KPNA3: variants seen among roughly 807,000 people sequenced by gnomAD.
The protein encoded by KPNA3 is importin subunit alpha-4.
Under a neutral mutation model 73.8 loss-of-function variants are expected in KPNA3, and 13 were observed. That is an observed-to-expected ratio of 0.18 (90% CI 0.11 to 0.28). KPNA3 has a LOEUF of 0.28. Among genes scored for constraint, KPNA3 ranks in the 10% least tolerant of loss-of-function variants. The pLI is 1.00. For synonymous variants in KPNA3, 186 were observed against 206.9 expected (o/e 0.90, Z 0.87); for missense variants, 360 against 618.1 (o/e 0.58, Z 4.43).
At chr13:49,736,645 G>A (rs528712575) in intron 2 of KPNA3, among the ~76,000 whole-genome samples, 1 of 152,252 alleles carries the variant, frequency 6.6e-6, no homozygotes, top group Non-Finnish European at 1.5e-5. Flanking sequence ...TACTGACATT[G>A]ATACAATCCA....
intron 2 of KPNA3, among the ~76,000 whole-genome samples, chr13:49,740,269 A>G (rs886290216): frequency 1.3e-5 from 2 of 152,002 alleles, no homozygotes; most frequent in Non-Finnish European, 2.9e-5. Context: ...AAAAATTAAC[A>G]CATGCATTAC....
At chr13:49,752,199 G>T (rs888327759) in intron 1 of KPNA3, among the ~76,000 whole-genome samples, 1 of 152,022 alleles carries the variant, frequency 6.6e-6, no homozygotes, top group Non-Finnish European at 1.5e-5. Flanking sequence ...CAAAATCAAA[G>T]AACTAAAATC....
intron 2 of KPNA3, among the ~76,000 whole-genome samples, chr13:49,744,350 G>A (rs1263884092): frequency 6.6e-6 from 1 of 152,148 alleles, no homozygotes; most frequent in Non-Finnish European, 1.5e-5. Flanking sequence ...GATTACCAAA[G>A]TATTGTTGTG....
At chr13:49,751,769 G>A (rs1466435470) in intron 1 of KPNA3, among the ~76,000 whole-genome samples, 1 of 152,124 alleles carries the variant, frequency 6.6e-6, no homozygotes, top group Non-Finnish European at 1.5e-5. Flanking sequence ...TTAGCCAGGT[G>A]TGGTGGCGTG....
At chr13:49,767,391 C>T (rs1216325192) in intron 1 of KPNA3, among the ~76,000 whole-genome samples, 1 of 144,824 alleles carries the variant, frequency 6.9e-6, no homozygotes, top group African/African-American at 2.6e-5. Flanking sequence ...TCCAGCCTGG[C>T]GACAGAGCCA....
chr13:49,761,371 T>A (rs1217180955), intron 1 of KPNA3, among the ~76,000 whole-genome samples: 1 of 152,208 alleles, frequency 6.6e-6, no homozygotes, highest in Non-Finnish European at 1.5e-5. Flanking sequence ...GCCGAGTGCC[T>A]GCGATTGCAG....
At chr13:49,751,242 G>A (rs1419947205) in intron 1 of KPNA3, among the ~76,000 whole-genome samples, 1 of 152,072 alleles carries the variant, frequency 6.6e-6, no homozygotes, top group Non-Finnish European at 1.5e-5. Flanking sequence ...TACTCCTAAT[G>A]TTAGGAAACT....
intron 14 of KPNA3, 81 bp downstream of exon 14, chr13:49,706,015 TAC>T: frequency 1.6e-6 from 2 of 1,262,584 alleles, no homozygotes; most frequent in Admixed American, 4.2e-5. Context: ...AAGAACACAA[TAC>T]AGTCAGCAAC....
At chr13:49,756,252 C>T (rs1481158990) in intron 1 of KPNA3, among the ~76,000 whole-genome samples, 2 of 151,988 alleles carry the variant, frequency 1.3e-5, no homozygotes, top group East Asian at 1.9e-4. Context: ...CCAGCCACAG[C>T]GACAGAGATA....
intron 12 of KPNA3, 114 bp downstream of exon 12, chr13:49,709,458 C>A: frequency 1.8e-5 from 13 of 714,742 alleles, no homozygotes; most frequent in East Asian, 3.2e-5. Flanking sequence ...AAATAATTCT[C>A]ATCTTCGCTG....
intron 1 of KPNA3, among the ~76,000 whole-genome samples, chr13:49,772,661 G>A (rs563702871): frequency 6.6e-6 from 1 of 152,066 alleles, no homozygotes; most frequent in African/African-American, 2.4e-5. Context: ...AAATTAGCAG[G>A]GCATGGTGGC....
At chr13:49,788,012 C>CA (rs769416869) in intron 1 of KPNA3, among the ~76,000 whole-genome samples, 15 of 152,146 alleles carry the variant, frequency 9.9e-5, no homozygotes, top group Non-Finnish European at 2.1e-4. Flanking sequence ...ATTGTAAGTC[C>CA]AGGCTTTGCC....
At chr13:49,709,728 A>C (rs771149783) in intron 11 of KPNA3, 28 bp from the exon 12 acceptor site, 2 of 1,595,192 alleles carry the variant, frequency 1.3e-6, no homozygotes, top group African/African-American at 2.7e-5. Context: ...TGTTTTCTAT[A>C]AATTTATTTG....
intron 9 of KPNA3, among the ~76,000 whole-genome samples, chr13:49,720,618 T>C (rs1164746979): frequency 6.6e-6 from 1 of 150,800 alleles, no homozygotes; most frequent in Non-Finnish European, 1.5e-5. Flanking sequence ...TAGCCTGGCA[T>C]GGTGGCACAT....
chr13:49,718,260 A>G (rs1954323482), intron 10 of KPNA3, among the ~76,000 whole-genome samples: 1 of 151,948 alleles, frequency 6.6e-6, no homozygotes, highest in Non-Finnish European at 1.5e-5. Flanking sequence ...TTTCCTTTTA[A>G]CTCTTTTTAC....
At chr13:49,765,459 GT>G (rs1216531062) in intron 1 of KPNA3, among the ~76,000 whole-genome samples, 2 of 152,054 alleles carry the variant, frequency 1.3e-5, no homozygotes, top group African/African-American at 4.8e-5. Flanking sequence ...CAATTCAATG[GT>G]TTTTAGTGTA....
chr13:49,705,889 G>C (rs1185712255), intron 14 of KPNA3, 106 bp from the exon 15 acceptor site: 4 of 1,113,206 alleles, frequency 3.6e-6, no homozygotes, highest in East Asian at 5.2e-5. Context: ...CTTGAGCCCA[G>C]GAGTTGGAGG....
intron 6 of KPNA3, among the ~76,000 whole-genome samples, chr13:49,731,344 C>G (rs1954468062): frequency 6.6e-6 from 1 of 151,216 alleles, no homozygotes; most frequent in South Asian, 2.1e-4. Context: ...CTACCTCGGC[C>G]TCCCAAAGTG....
chr13:49,708,505 C>T (rs1277928941), intron 12 of KPNA3, among the ~76,000 whole-genome samples: 1 of 152,118 alleles, frequency 6.6e-6, no homozygotes, highest in East Asian at 1.9e-4. Context: ...AACATATGAT[C>T]GAGCAATTCT....
Sources: gnomAD v4.1 joint callset for allele counts (sites outside exome capture counted in the v4.1 genomes callset) on GRCh38, gnomAD v4.1.1 for gene constraint, MANE v1.5 for transcripts, NCBI Gene and HGNC (gene_info 2026-07-23, HGNC 2026-07-21) for gene names.